ESRRG: variants seen among roughly 807,000 people sequenced by gnomAD.
ESRRG encodes estrogen-related receptor gamma.
In ESRRG, 13 loss-of-function variants were observed where a neutral mutation model predicts 44.0. The observed-to-expected ratio is 0.30, with a 90% confidence interval of 0.19 to 0.47. ESRRG has a LOEUF of 0.47. Among genes scored for constraint, ESRRG ranks in the 20% least tolerant of loss-of-function variants. ESRRG has a pLI of 1.00. For synonymous variants in ESRRG, 215 were observed against 214.6 expected (o/e 1.00, Z -0.02); for missense variants, 395 against 580.6 (o/e 0.68, Z 3.29).
chr1:216,713,059 G>A (rs903627156), intron 1 of ESRRG, among the ~76,000 whole-genome samples: 1 of 151,992 alleles, frequency 6.6e-6, no homozygotes, highest in Admixed American at 6.6e-5. Flanking sequence ...TTGCTTAATC[G>A]AATACTATTG....
rs1474471948 is a variant in ESRRG, at chr1:216,506,710, G to A, written c.*229C>T. ...GAAAAGGAGAAAAAATAAAGAGAAA[G>A]AGAAATGTGGGAAGAAAGAGGAAAG... is the stretch of plus-strand genomic sequence containing the variant. On this transcript the variant is annotated 3_prime_UTR_variant, in exon 7 of 7. Coordinates refer to ENST00000408911, the MANE Select transcript of ESRRG (RefSeq NM_001438.4). 1 of 626,438 alleles carries A rather than the reference G, an allele frequency of 1.6e-6. No homozygotes were observed. Among genetic ancestry groups the A allele is most frequent in the Non-Finnish European group, 2.9e-6 (1 of 348,482 alleles). The allele number at this position is 626,438 out of a possible 1,614,324, so 38.8% of individuals were successfully genotyped here.
chr1:216,679,092 G>A (rs1334197446), intron 1 of ESRRG, among the ~76,000 whole-genome samples: 1 of 152,206 alleles, frequency 6.6e-6, no homozygotes, highest in Non-Finnish European at 1.5e-5. Flanking sequence ...GCTTTCTGAA[G>A]TCAAGCAGTA....
intron 3 of ESRRG, among the ~76,000 whole-genome samples, chr1:216,633,957 T>C (rs1482076252): frequency 5.3e-5 from 8 of 152,206 alleles, no homozygotes; most frequent in Non-Finnish European, 1.5e-5. Context: ...AAGATTATGG[T>C]ATTGGTTAAA....
At chr1:217,074,840 A>G (rs1359034084) in intron 1 of ESRRG, among the ~76,000 whole-genome samples, 3 of 152,232 alleles carry the variant, frequency 2.0e-5, no homozygotes, top group Non-Finnish European at 4.4e-5. Flanking sequence ...CTCCCAAGTG[A>G]TGAAAGCTAC....
chr1:216,715,573 A>C (rs1045132749), intron 1 of ESRRG, among the ~76,000 whole-genome samples: 1 of 152,178 alleles, frequency 6.6e-6, no homozygotes, highest in Non-Finnish European at 1.5e-5. Flanking sequence ...GCAAAGGGCA[A>C]TCAATTGAAC....
At chr1:216,673,816 C>T (rs996085881) in intron 2 of ESRRG, among the ~76,000 whole-genome samples, 13 of 152,192 alleles carry the variant, frequency 8.5e-5, no homozygotes, top group African/African-American at 2.9e-4. Flanking sequence ...ATTGTTACTT[C>T]CTCAAGGCAG....
chr1:217,123,492 T>C (rs1426279369), intron 1 of ESRRG, among the ~76,000 whole-genome samples: 2 of 152,130 alleles, frequency 1.3e-5, no homozygotes, highest in Admixed American at 6.5e-5. Flanking sequence ...AACAAAGACA[T>C]GGAACCAACC....
At chr1:216,995,172 C>T (rs2076228600) in intron 1 of ESRRG, among the ~76,000 whole-genome samples, 1 of 152,162 alleles carries the variant, frequency 6.6e-6, no homozygotes, top group Non-Finnish European at 1.5e-5. Context: ...TCATCTCTTG[C>T]ATCCAATACA....
chr1:216,911,065 A>T, intron 2 of ESRRG, among the ~76,000 whole-genome samples: 1 of 152,302 alleles, frequency 6.6e-6, no homozygotes, highest in African/African-American at 2.4e-5. Context: ...ACATCATCTT[A>T]TCTTGTAGGC....
intron 5 of ESRRG, among the ~76,000 whole-genome samples, chr1:216,531,867 C>A (rs945846208): frequency 1.3e-5 from 2 of 152,084 alleles, no homozygotes; most frequent in South Asian, 4.1e-4. Context: ...CTGGAGAGTG[C>A]ATTTACCTTT....
chr1:216,522,467 C>A (rs974044932), intron 5 of ESRRG, among the ~76,000 whole-genome samples: 1 of 151,872 alleles, frequency 6.6e-6, no homozygotes, highest in Non-Finnish European at 1.5e-5. Context: ...TTTTCTTGGT[C>A]TAGAAATTGC....
intron 3 of ESRRG, among the ~76,000 whole-genome samples, chr1:216,605,668 C>T (rs1018813873): frequency 3.3e-5 from 5 of 152,072 alleles, no homozygotes; most frequent in East Asian, 1.9e-4. Flanking sequence ...GTGTGGAACT[C>T]GGGAAAGACA....
At chr1:217,119,049 AGAG>A (rs1419314654) in intron 1 of ESRRG, among the ~76,000 whole-genome samples, 1,812 of 145,338 alleles carry the variant, frequency 0.012, 37 homozygotes, top group African/African-American at 0.044. Flanking sequence ...ATAGATAGAT[AGAG>A]ACACAGATAC....
At chr1:216,722,238 A>G (rs1383822936) in intron 1 of ESRRG, among the ~76,000 whole-genome samples, 1 of 152,244 alleles carries the variant, frequency 6.6e-6, no homozygotes, top group African/African-American at 2.4e-5. Flanking sequence ...AACAGTTGGT[A>G]TTACTGTAAT....
At chr1:216,704,262 C>T (rs923485827) in intron 1 of ESRRG, among the ~76,000 whole-genome samples, 1 of 152,104 alleles carries the variant, frequency 6.6e-6, no homozygotes, top group Non-Finnish European at 1.5e-5. Context: ...GCTTGTAATC[C>T]CAACACTTTG....
intron 1 of ESRRG, among the ~76,000 whole-genome samples, chr1:217,016,643 C>T (rs942996538): frequency 2.0e-5 from 3 of 152,112 alleles, no homozygotes; most frequent in African/African-American, 7.2e-5. Flanking sequence ...TAGTCACATA[C>T]TTATAAATGA....
intron 1 of ESRRG, among the ~76,000 whole-genome samples, chr1:217,013,098 C>T (rs920954210): frequency 5.3e-5 from 8 of 152,320 alleles, no homozygotes; most frequent in Admixed American, 3.9e-4. Context: ...GGAGCTCACC[C>T]TAATTGCATC....
intron 3 of ESRRG, among the ~76,000 whole-genome samples, chr1:216,571,714 T>C (rs1290417715): frequency 6.6e-6 from 1 of 152,130 alleles, no homozygotes; most frequent in African/African-American, 2.4e-5. Context: ...GCTATACACC[T>C]ATCCAGTGAA....
chr1:216,505,122 T>C lies in ESRRG; in HGVS notation c.*1817A>G, dbSNP rs1440212190. On this transcript the variant is annotated 3_prime_UTR_variant, in exon 7 of 7. Transcript: ENST00000408911. Reference sequence around the variant, plus strand: ...TGTTAGGATTACAATTTTAATTACATCTGTGTACATAGAATAAGACTGTTC... The same window carrying C: ...TGTTAGGATTACAATTTTAATTACACCTGTGTACATAGAATAAGACTGTTC... 6.6e-6 allele frequency: 1 copy of C among 152,642 alleles called. No individual in the cohort carries two copies. The highest frequency in any genetic ancestry group is 1.5e-5 in the Non-Finnish European group (1 of 68,034). 9.5% of individuals were successfully genotyped at this position (152,642 alleles called of 1,614,324 possible). A position where few individuals can be genotyped will look rare whatever the true frequency, so the allele number is the denominator to read the frequency against.
Sources: allele counts gnomAD v4.1 joint callset (sites outside exome capture counted in the v4.1 genomes callset), GRCh38; gene constraint gnomAD v4.1.1; transcripts MANE v1.5; gene names NCBI Gene and HGNC (gene_info 2026-07-23, HGNC 2026-07-21).